The following CYB5A variants were observed in gnomAD, a reference collection of about 807,000 sequenced individuals.
CYB5A encodes the protein cytochrome b5 type A.
In CYB5A, 10 loss-of-function variants were observed where a neutral mutation model predicts 16.2. The observed-to-expected ratio is 0.62, with a 90% confidence interval of 0.38 to 1.04. CYB5A has a LOEUF of 1.04. Ranked by LOEUF, CYB5A falls within the 50% of genes least tolerant of loss-of-function variation. The pLI, the probability that CYB5A is intolerant of heterozygous loss-of-function variation, is 0.01. For missense variants in CYB5A, 161 were observed against 165.9 expected (o/e 0.97, Z 0.16); for synonymous variants, 62 against 57.0 (o/e 1.09, Z -0.40).
At chr18:74,264,614 A>T (rs1260998291) in intron 1 of CYB5A, among the ~76,000 whole-genome samples, 1 of 152,158 alleles carries the variant, frequency 6.6e-6, no homozygotes, top group African/African-American at 2.4e-5. Flanking sequence ...AACAAAACAA[A>T]ACAAGTAACT....
rs200370214 is a variant in CYB5A, at chr18:74,253,686, A to G, written c.324-21T>C. 41 of 1,555,950 alleles carry G rather than the reference A, an allele frequency of 2.6e-5. No homozygotes were observed. In the East Asian group the frequency reaches 4.7e-4, roughly 18 times the overall value. Reference sequence around the variant, plus strand: ...ACCAACTAGAAAGACACAAAAAGCAATGATGCTGACATGATGTGCACTGTG... The same window carrying G: ...ACCAACTAGAAAGACACAAAAAGCAGTGATGCTGACATGATGTGCACTGTG... On this transcript the variant is annotated intron_variant, in intron 4 of 4. Coordinates refer to ENST00000340533, the MANE Select transcript of CYB5A (RefSeq NM_148923.4).
chr18:74,257,031 A>C (rs1321828267), intron 3 of CYB5A: 4 of 588,964 alleles, frequency 6.8e-6, no homozygotes, highest in Non-Finnish European at 1.2e-5. Context: ...AATAATCAAA[A>C]TATACAAAAA....
chr18:74,272,133 A>T (rs576929143), intron 1 of CYB5A, among the ~76,000 whole-genome samples: 2 of 152,340 alleles, frequency 1.3e-5, no homozygotes, highest in East Asian at 3.9e-4. Flanking sequence ...GGACATGCTC[A>T]CAGACACGTT....
At chr18:74,270,822 C>G (rs968790601) in intron 1 of CYB5A, among the ~76,000 whole-genome samples, 1 of 152,182 alleles carries the variant, frequency 6.6e-6, no homozygotes, top group Non-Finnish European at 1.5e-5. Context: ...TCCTAGAGGA[C>G]TCCCTGGAGC....
Position 74,291,961 on chromosome 18 carries a change from T to C in CYB5A, c.-86A>G. ...GACTCAGCCAGCTCCACCCGGGACATTCCCCGCGCCGGGAACCCCACTGGG... is the reference window on the plus strand; with the variant it reads ...GACTCAGCCAGCTCCACCCGGGACACTCCCCGCGCCGGGAACCCCACTGGG... On this transcript the variant is annotated 5_prime_UTR_variant, in exon 1 of 5. The change abolishes an upstream ATG in the 5' untranslated region. Transcript: ENST00000340533. 1.3e-6 allele frequency: 2 copies of C among 1,592,098 alleles called. No homozygotes were observed. Among genetic ancestry groups the C allele is most frequent in the South Asian group, 2.2e-5 (2 of 90,600 alleles).
chr18:74,286,578 C>T (rs2145085887), intron 1 of CYB5A, among the ~76,000 whole-genome samples: 1 of 152,334 alleles, frequency 6.6e-6, no homozygotes, highest in East Asian at 1.9e-4. Context: ...GTTCCCACTT[C>T]AGAACAAGGA....
intron 1 of CYB5A, among the ~76,000 whole-genome samples, chr18:74,289,725 G>A (rs1433868710): frequency 2.7e-5 from 4 of 148,104 alleles, no homozygotes; most frequent in African/African-American, 7.5e-5. Flanking sequence ...GCAGTGAGTC[G>A]AGATCACACC....
rs138011368 is a variant in CYB5A, at chr18:74,289,565, C to T, written c.129+2182G>A. 7.9e-5 allele frequency among the ~76,000 whole-genome samples: 12 copies of T among 152,186 alleles called. No individual in the cohort carries two copies. The East Asian group carries it at 2.3e-3, about 29-fold the overall frequency. On this transcript the variant is annotated intron_variant, in intron 1 of 4. Transcript: ENST00000340533. ...CTAAGGTGGGTGGATCACCTGAGAT[C>T]AGCAGTTCGAGACCAACTTGGCCAA...
intron 1 of CYB5A, among the ~76,000 whole-genome samples, chr18:74,268,088 G>A (rs771384211): frequency 1.3e-5 from 2 of 152,192 alleles, no homozygotes; most frequent in African/African-American, 4.8e-5. Flanking sequence ...ACACATGAAC[G>A]TCTCCACGTG....
At chr18:74,289,377 A>G (rs1166720015) in intron 1 of CYB5A, among the ~76,000 whole-genome samples, 2 of 152,120 alleles carry the variant, frequency 1.3e-5, no homozygotes, top group East Asian at 3.9e-4. Context: ...CTGAAAATCT[A>G]CCCCTAAAGT....
chr18:74,291,570 C>A (rs946375335), intron 1 of CYB5A, among the ~76,000 whole-genome samples, 177 bp downstream of exon 1: 35 of 149,190 alleles, frequency 2.3e-4, no homozygotes, highest in Non-Finnish European at 4.3e-4. Context: ...CAGGCTTGCA[C>A]GCGCAGGTGT....
At position 74,274,788 on chromosome 18, in the gene CYB5A, G is replaced by A. The variant is rs1224962725; in HGVS notation, c.130-11311C>T. 2.6e-5 allele frequency among the ~76,000 whole-genome samples: 4 copies of A among 152,244 alleles called. No individual in the cohort carries two copies. The South Asian group carries it at 8.3e-4, about 32-fold the overall frequency. On this transcript the variant is annotated intron_variant, in intron 1 of 4. Coordinates refer to ENST00000340533, the MANE Select transcript of CYB5A (RefSeq NM_148923.4). ...ATACAGAATAATATTTTTGTCTAAC[G>A]TTGCCCTTAACTCCTAAATTTGCTA...
chr18:74,256,865 G>C, intron 3 of CYB5A: 1 of 1,612,544 alleles, frequency 6.2e-7, no homozygotes, highest in Non-Finnish European at 8.5e-7. Flanking sequence ...TGACACAGTA[G>C]GGGAAAAAAG....
At chr18:74,289,739 G>GCACT (rs754962357) in intron 1 of CYB5A, among the ~76,000 whole-genome samples, 1 of 145,410 alleles carries the variant, frequency 6.9e-6, no homozygotes, top group East Asian at 2.0e-4. Context: ...TCACACCATT[G>GCACT]CACTCCAGCC....
chr18:74,256,358 C>A lies in CYB5A; in HGVS notation c.289-583G>T, dbSNP rs74475098. On this transcript the variant is annotated intron_variant, in intron 3 of 4. Coordinates refer to ENST00000340533, the MANE Select transcript of CYB5A (RefSeq NM_148923.4). ...CCAGCAAGACACCAGACCAGCCTCA[C>A]AGGACTGCTGTGCCCGGCGTCACAC... 1,663 of 178,094 alleles carry A rather than the reference C, an allele frequency of 9.3e-3. 24 individuals are homozygous for A. The highest frequency in any genetic ancestry group is 0.037 in the African/African-American group (1,548 of 41,870). 11.0% of individuals were successfully genotyped at this position (178,094 alleles called of 1,614,324 possible). A position where few individuals can be genotyped will look rare whatever the true frequency, so the allele number is the denominator to read the frequency against.
At chr18:74,290,466 A>C (rs1483143144) in intron 1 of CYB5A, among the ~76,000 whole-genome samples, 1 of 152,092 alleles carries the variant, frequency 6.6e-6, no homozygotes, top group African/African-American at 2.4e-5. Context: ...GCTGGTCTCG[A>C]ACTCCTAGAC....
rs1982286949 is a variant in CYB5A at position 74,263,295 on chromosome 18, G to A, written c.258+54C>T. On this transcript the variant is annotated intron_variant, in intron 2 of 4. Transcript: ENST00000340533. ...CATGCAAGCTTACAGACTAGGGTAA[G>A]GTCATCTGATAGCCTTAAATACAAA... 9 of 1,611,398 alleles carry A rather than the reference G, an allele frequency of 5.6e-6. No homozygotes were observed. In the South Asian group the frequency reaches 7.7e-5, roughly 14 times the overall value.
At chr18:74,263,075 G>A (rs536707920) in intron 2 of CYB5A, among the ~76,000 whole-genome samples, 59 of 151,086 alleles carry the variant, frequency 3.9e-4, no homozygotes, top group African/African-American at 1.2e-3. Flanking sequence ...TTGAGCCCAG[G>A]AGGTTGAGGC....
intron 1 of CYB5A, among the ~76,000 whole-genome samples, chr18:74,280,275 A>C (rs763444047): frequency 6.6e-6 from 1 of 152,098 alleles, no homozygotes; most frequent in Non-Finnish European, 1.5e-5. Context: ...AAAAAGTTTC[A>C]CATGTCGGCC....
Sources: gnomAD v4.1 joint callset for allele counts (sites outside exome capture counted in the v4.1 genomes callset) on GRCh38, gnomAD v4.1.1 for gene constraint, MANE v1.5 for transcripts, NCBI Gene and HGNC (gene_info 2026-07-23, HGNC 2026-07-21) for gene names.